Variants in IGSF11 observed in about 807,000 individuals in gnomAD.
IGSF11 encodes the protein CXADR like 1.
In IGSF11, 22 loss-of-function variants were observed where a neutral mutation model predicts 41.0. The ratio of observed to expected loss-of-function variants is 0.54; its 90% CI spans 0.38 to 0.77. IGSF11 has a LOEUF of 0.77. Ranked by LOEUF, IGSF11 falls within the 30% of genes least tolerant of loss-of-function variation. IGSF11 has a pLI of 0.00. For synonymous variants in IGSF11, 219 were observed against 201.3 expected (o/e 1.09, Z -0.74); for missense variants, 444 against 530.8 (o/e 0.84, Z 1.61).
At chr3:118,966,613 G>A (rs536448782) in intron 1 of IGSF11, among the ~76,000 whole-genome samples, 5 of 152,260 alleles carry the variant, frequency 3.3e-5, no homozygotes, top group African/African-American at 1.2e-4. Flanking sequence ...TGTATCTTCA[G>A]TGACAATTAT....
chr3:119,031,663 A>T (rs1940411866), intron 1 of IGSF11, among the ~76,000 whole-genome samples: 1 of 152,208 alleles, frequency 6.6e-6, no homozygotes, highest in Non-Finnish European at 1.5e-5. Flanking sequence ...CTTCCTGAAT[A>T]GTCCATGTTG....
At chr3:118,941,618 A>G (rs1042836331) in intron 1 of IGSF11, among the ~76,000 whole-genome samples, 2 of 152,224 alleles carry the variant, frequency 1.3e-5, no homozygotes, top group Non-Finnish European at 2.9e-5. Flanking sequence ...AATTCTAGAT[A>G]TTTATGCAAG....
At chr3:118,984,258 C>T (rs1935038881) in intron 1 of IGSF11, among the ~76,000 whole-genome samples, 4 of 151,842 alleles carry the variant, frequency 2.6e-5, no homozygotes, top group South Asian at 2.1e-4. Flanking sequence ...AAAGCAAAGC[C>T]GTCAGAAGGT....
At chr3:118,924,167 ATATT>A (rs1942085473) in intron 4 of IGSF11, among the ~76,000 whole-genome samples, 1 of 152,106 alleles carries the variant, frequency 6.6e-6, no homozygotes, top group South Asian at 2.1e-4. Context: ...TATGGACTAT[ATATT>A]TAATGTTTGA....
At chr3:118,930,893 AAGAC>A (rs760669663) in intron 1 of IGSF11, among the ~76,000 whole-genome samples, 3 of 152,100 alleles carry the variant, frequency 2.0e-5, no homozygotes, top group Non-Finnish European at 2.9e-5. Context: ...AAAATATAGA[AAGAC>A]AAAGAACTAG....
rs1939805588 is a variant in IGSF11, at chr3:118,907,899, A to C, written c.581-2181T>G. 3.3e-5 allele frequency among the ~76,000 whole-genome samples: 5 copies of C among 152,306 alleles called. No individual in the cohort carries two copies. In the South Asian group the frequency reaches 8.3e-4, roughly 25 times the overall value. On this transcript the variant is annotated intron_variant, in intron 4 of 6. Coordinates refer to ENST00000393775, the MANE Select transcript of IGSF11 (RefSeq NM_001015887.3). ...CTATAGAATATTTCCTGACCAATAAATGTTCCAATGCTGTTAGTAATATAA... is the reference window on the plus strand; with the variant it reads ...CTATAGAATATTTCCTGACCAATAACTGTTCCAATGCTGTTAGTAATATAA...
chr3:118,915,221 A>G (rs1172206594), intron 4 of IGSF11, among the ~76,000 whole-genome samples: 1 of 139,066 alleles, frequency 7.2e-6, no homozygotes, highest in African/African-American at 3.0e-5. Flanking sequence ...AAAGGAACAC[A>G]GTTCCTCACC....
At chr3:118,935,284 A>T (rs1489502181) in intron 1 of IGSF11, among the ~76,000 whole-genome samples, 1 of 132,000 alleles carries the variant, frequency 7.6e-6, no homozygotes, top group African/African-American at 3.0e-5. Context: ...CCCTGAGGAA[A>T]TATCAGGGTG....
At chr3:118,933,470 T>TATATATATATATA (rs59418588) in intron 1 of IGSF11, among the ~76,000 whole-genome samples, 20 of 146,170 alleles carry the variant, frequency 1.4e-4, no homozygotes, top group East Asian at 1.2e-3. Flanking sequence ...CATGTATTTT[T>TATATATATATATA]TATATATATA....
At chr3:119,005,454 T>C (rs1937402170) in intron 1 of IGSF11, among the ~76,000 whole-genome samples, 1 of 150,830 alleles carries the variant, frequency 6.6e-6, no homozygotes. Flanking sequence ...GAGCATTTAG[T>C]CCATTTACAT....
Position 119,034,670 on chromosome 3 carries a change from G to GT in IGSF11, c.-89_-88insA, listed in dbSNP as rs1418607546. The GT allele has an allele frequency of 1.4e-6, 2 of 1,451,904 alleles. No homozygotes were observed. Among genetic ancestry groups the GT allele is most frequent in the African/African-American group, 2.9e-5 (2 of 69,242 alleles). The allele number at this position is 1,451,904 out of a possible 1,614,324, so 89.9% of individuals were successfully genotyped here. On this transcript the variant is annotated 5_prime_UTR_variant, in exon 1 of 7. Transcript: ENST00000393775. The stretch of plus-strand genomic sequence containing the variant: ...GGGCGTGAGTCTCCGCGCTCTTGGG[G>GT]CAGCCTGGTCCTCCCACACCCAGCG...
intron 1 of IGSF11, among the ~76,000 whole-genome samples, chr3:119,016,086 G>GT (rs1314261947): frequency 6.6e-6 from 1 of 152,210 alleles, no homozygotes; most frequent in African/African-American, 2.4e-5. Context: ...TAGGGATTGA[G>GT]TAAGAGGCAG....
At chr3:119,025,993 G>A (rs1939784482) in intron 1 of IGSF11, among the ~76,000 whole-genome samples, 1 of 152,110 alleles carries the variant, frequency 6.6e-6, no homozygotes, top group African/African-American at 2.4e-5. Flanking sequence ...ATATTAGGCT[G>A]GGCATGGTGG....
chr3:118,948,704 G>A (rs191213109), intron 1 of IGSF11, among the ~76,000 whole-genome samples: 189 of 152,196 alleles, frequency 1.2e-3, no homozygotes, highest in African/African-American at 3.5e-3. Flanking sequence ...GATGGCTCAC[G>A]CCTGTAATCC....
At chr3:118,965,899 T>C (rs2107609400) in intron 1 of IGSF11, among the ~76,000 whole-genome samples, 1 of 152,210 alleles carries the variant, frequency 6.6e-6, no homozygotes, top group African/African-American at 2.4e-5. Flanking sequence ...GGACAACTTA[T>C]TTTATATTCA....
intron 1 of IGSF11, among the ~76,000 whole-genome samples, chr3:118,989,498 G>A (rs1201958948): frequency 2.0e-5 from 3 of 151,950 alleles, no homozygotes; most frequent in South Asian, 2.1e-4. Flanking sequence ...GACTACAGGC[G>A]CCCACCACCA....
At chr3:118,920,166 C>T (rs1458132899) in intron 4 of IGSF11, among the ~76,000 whole-genome samples, 9 of 145,284 alleles carry the variant, frequency 6.2e-5, no homozygotes, top group East Asian at 2.1e-4. Context: ...GGCTAGATGA[C>T]GAGTTAGTGG....
intron 1 of IGSF11, among the ~76,000 whole-genome samples, chr3:118,980,041 G>C (rs1484371737): frequency 6.6e-6 from 1 of 152,140 alleles, no homozygotes; most frequent in Non-Finnish European, 1.5e-5. Context: ...GTGGAGAAAA[G>C]GGAACTCTCA....
intron 1 of IGSF11, among the ~76,000 whole-genome samples, chr3:119,060,897 A>T (rs908559869): frequency 7.2e-5 from 11 of 152,216 alleles, no homozygotes; most frequent in Admixed American, 3.9e-4. Context: ...ATATAAAATT[A>T]AATAGATAAC....
Sources: allele counts gnomAD v4.1 joint callset (sites outside exome capture counted in the v4.1 genomes callset), GRCh38; gene constraint gnomAD v4.1.1; transcripts MANE v1.5; gene names NCBI Gene and HGNC (gene_info 2026-07-23, HGNC 2026-07-21).